Variants in MTMR1 observed in about 807,000 individuals in gnomAD.
MTMR1 encodes the protein phosphatidylinositol-3-phosphate phosphatase MTMR1.
In MTMR1, 17 loss-of-function variants were observed where a neutral mutation model predicts 51.6. That is an observed-to-expected ratio of 0.33 (90% CI 0.23 to 0.49). The LOEUF (loss-of-function observed/expected upper bound fraction) is 0.49. Ranked by LOEUF, MTMR1 falls within the 20% of genes least tolerant of loss-of-function variation. MTMR1 has a pLI of 0.99. For missense variants in MTMR1, 386 were observed against 526.9 expected (o/e 0.73, Z 2.62); for synonymous variants, 201 against 205.6 (o/e 0.98, Z 0.19).
chrX:150,748,535 G>C (rs1380374227), intron 13 of MTMR1, among the ~76,000 whole-genome samples: 1 of 110,259 alleles, frequency 9.1e-6, no homozygotes, highest in African/African-American at 3.3e-5. Flanking sequence ...ATAGCTATTT[G>C]AGCCGGGCAC....
At position 150,744,374 on chromosome X, in the gene MTMR1, G is replaced by A. The variant is rs782447692; in HGVS notation, c.1487G>A (p.Gly496Asp). Residue 496 changes from glycine (G) to aspartate (D), a missense_variant, in exon 13 of 16, where the codon GGT becomes GAT. Transcript: ENST00000445323. ...GTTTCTGTTCAGCGAGTGGGCCATG[G>A]TAATGACAACCATGCGGATGCTGAC... ...GHRFALRVGHGNDNHADADRS... is the reference protein window; with the variant it reads ...GHRFALRVGHDNDNHADADRS... 3 of 1,210,429 alleles carry A rather than the reference G, an allele frequency of 2.5e-6. No homozygotes were observed. The highest frequency in any genetic ancestry group is 3.4e-6 in the Non-Finnish European group (3 of 894,598).
intron 15 of MTMR1, among the ~76,000 whole-genome samples, chrX:150,760,541 T>C (rs2043078851): frequency 8.9e-6 from 1 of 111,946 alleles, no homozygotes; most frequent in Non-Finnish European, 1.9e-5. Context: ...GACTGGCCCT[T>C]AGATGGGAAT....
At chrX:150,758,832 T>G (rs1557417857) in intron 15 of MTMR1, among the ~76,000 whole-genome samples, 1 of 111,832 alleles carries the variant, frequency 8.9e-6, no homozygotes, top group East Asian at 2.8e-4. Flanking sequence ...TCTCTCCCTT[T>G]AGACTTTGTG....
intron 1 of MTMR1, among the ~76,000 whole-genome samples, chrX:150,697,820 C>T (rs1362674159): frequency 8.9e-6 from 1 of 111,888 alleles, no homozygotes; most frequent in African/African-American, 3.3e-5. Flanking sequence ...TCATGTAAAG[C>T]GGTTGGCTCG....
intron 6 of MTMR1, among the ~76,000 whole-genome samples, chrX:150,729,338 G>A (rs187532077): frequency 8.9e-6 from 1 of 111,887 alleles, no homozygotes; most frequent in African/African-American, 3.2e-5. Context: ...TATGTGTGTA[G>A]CCATGTAGCT....
chrX:150,747,407 A>G (rs1557417484), intron 13 of MTMR1, among the ~76,000 whole-genome samples: 1 of 111,409 alleles, frequency 9.0e-6, no homozygotes, highest in Non-Finnish European at 1.9e-5. Context: ...GTGAACTATG[A>G]TTGTACCAGT....
At chrX:150,710,602 C>G (rs2041274645) in intron 2 of MTMR1, among the ~76,000 whole-genome samples, 1 of 111,967 alleles carries the variant, frequency 8.9e-6, no homozygotes, top group African/African-American at 3.2e-5. Context: ...CTCAAGTGAT[C>G]CACTTGCCTC....
chrX:150,721,011 G>A (rs1270867182), intron 4 of MTMR1, among the ~76,000 whole-genome samples: 2 of 111,542 alleles, frequency 1.8e-5, no homozygotes, highest in African/African-American at 6.5e-5. Flanking sequence ...ATCAGGAATT[G>A]ATGTTAGATT....
chrX:150,733,104 G>A (rs1399344292), intron 10 of MTMR1, among the ~76,000 whole-genome samples: 1 of 112,471 alleles, frequency 8.9e-6, no homozygotes, highest in South Asian at 3.6e-4. Flanking sequence ...CTTTTAGAAT[G>A]GAATCAGCCA....
At chrX:150,760,734 G>A (rs991386798) in intron 15 of MTMR1, among the ~76,000 whole-genome samples, 1 of 111,231 alleles carries the variant, frequency 9.0e-6, no homozygotes, top group Non-Finnish European at 1.9e-5. Context: ...GACTAGCCTG[G>A]CCAACATAGT....
chrX:150,762,983 C>CG lies in MTMR1; in HGVS notation c.*256dup. 3.1e-6 allele frequency: 1 copy of CG among 317,547 alleles called. No individual in the cohort carries two copies. Among genetic ancestry groups the CG allele is most frequent in the Non-Finnish European group, 5.5e-6 (1 of 183,332 alleles). 26.2% of individuals were successfully genotyped at this position (317,547 alleles called of 1,213,427 possible). Reference sequence around the variant, plus strand: ...GGCAGCTTGGGAGAAACTAAGTGAACGGAATGCAGTACTGAGGTTCAAGAA... The same window carrying CG: ...GGCAGCTTGGGAGAAACTAAGTGAACGGGAATGCAGTACTGAGGTTCAAGAA... On this transcript the variant is annotated 3_prime_UTR_variant, in exon 16 of 16. Coordinates refer to ENST00000445323, the MANE Select transcript of MTMR1 (RefSeq NM_001306144.3).
At chrX:150,723,319 G>T (rs1557416643) in intron 4 of MTMR1, among the ~76,000 whole-genome samples, 1 of 111,335 alleles carries the variant, frequency 9.0e-6, no homozygotes, top group African/African-American at 3.3e-5. Flanking sequence ...AACATAACGT[G>T]TGCATGTGTC....
chrX:150,753,560 C>T lies in MTMR1; in HGVS notation c.1681-2129C>T, dbSNP rs1422250008. Among the ~76,000 whole-genome samples, 4 of 112,517 alleles carry T rather than the reference C, an allele frequency of 3.6e-5. No individual in the cohort carries two copies. In the East Asian group the frequency reaches 8.3e-4, roughly 23 times the overall value. On this transcript the variant is annotated intron_variant, in intron 14 of 15. Transcript: ENST00000445323. ...TGGTTTTAGATTTGCATTTCCCCAA[C>T]GACTAATGATGTTGAGCATATTTCC... is the stretch of plus-strand genomic sequence containing the variant.
chrX:150,700,949 A>T (rs1457005450), intron 2 of MTMR1, among the ~76,000 whole-genome samples: 1 of 112,534 alleles, frequency 8.9e-6, no homozygotes, highest in Admixed American at 9.4e-5. Flanking sequence ...ATCTCAGTCT[A>T]TTTACAAATT....
Position 150,762,641 on chromosome X carries a change from G to A in MTMR1, c.1934G>A (p.Arg645Gln), listed in dbSNP as rs782234684. ...CAGAAGCGTGTGGAGGGCCTACAGC[G>A]GGAGGTGGCCACGCGCGCCGTCTCA... ...ELQKRVEGLQ[R>Q]EVATRAVSSS... is the part of the protein sequence containing the mutation. The change falls in exon 16 of 16, where the codon CGG becomes CAG. Residue 645 changes from arginine (R) to glutamine (Q), a missense_variant. Transcript: ENST00000445323. 2.0e-5 allele frequency: 24 copies of A among 1,210,879 alleles called. No individual in the cohort carries two copies. The highest frequency in any genetic ancestry group is 2.4e-4 in the Middle Eastern group (1 of 4,159).
chrX:150,749,384 A>T (rs1393215186), intron 13 of MTMR1, among the ~76,000 whole-genome samples: 1 of 112,865 alleles, frequency 8.9e-6, no homozygotes, highest in African/African-American at 3.2e-5. Context: ...ATTGAAGAAT[A>T]GGTTTTTAAG....
chrX:150,735,795 T>C, intron 10 of MTMR1: 1 of 252,928 alleles, frequency 4.0e-6, no homozygotes, highest in Non-Finnish European at 7.0e-6. Context: ...TAAAATCTAC[T>C]CTCAGCAGTT....
Position 150,725,758 on chromosome X carries a change from G to C in MTMR1, c.353-1457G>C, listed in dbSNP as rs146732027. Among the ~76,000 whole-genome samples, 3 of 111,086 alleles carry C rather than the reference G, an allele frequency of 2.7e-5. No homozygotes were observed. The Admixed American group carries it at 2.9e-4, about 11-fold the overall frequency. On this transcript the variant is annotated intron_variant, in intron 4 of 15. Coordinates refer to ENST00000445323, the MANE Select transcript of MTMR1 (RefSeq NM_001306144.3). ...TTTGTTTAAACAGTTATCTTTTAAG[G>C]ATAATGATAATAATGCCTTAGTCTC...
chrX:150,759,762 G>A (rs371286213), intron 15 of MTMR1, among the ~76,000 whole-genome samples: 6 of 110,164 alleles, frequency 5.4e-5, no homozygotes, highest in South Asian at 7.3e-4. Context: ...AAACCACAGC[G>A]ACAGCGCCTA....
Sources: gnomAD v4.1 joint callset for allele counts (sites outside exome capture counted in the v4.1 genomes callset) on GRCh38, gnomAD v4.1.1 for gene constraint, MANE v1.5 for transcripts, NCBI Gene and HGNC (gene_info 2026-07-23, HGNC 2026-07-21) for gene names.